PLLP: variants seen among roughly 807,000 people sequenced by gnomAD.
PLLP encodes plasma membrane proteolipid (plasmolipin).
PLLP carries 15 observed loss-of-function variants against 19.7 expected under a neutral mutation model. That is an observed-to-expected ratio of 0.76 (90% CI 0.51 to 1.17). The LOEUF (loss-of-function observed/expected upper bound fraction) is 1.17. Among genes scored for constraint, PLLP ranks in the 50% most tolerant of loss-of-function variants. PLLP has a pLI of 0.00. For synonymous variants in PLLP, 111 were observed against 116.3 expected (o/e 0.95, Z 0.29); for missense variants, 255 against 258.3 (o/e 0.99, Z 0.09).
chr16:57,278,768 G>C (rs1257830592), intron 1 of PLLP, among the ~76,000 whole-genome samples: 3 of 152,162 alleles, frequency 2.0e-5, no homozygotes, highest in Admixed American at 2.0e-4. Flanking sequence ...CTCAGACATT[G>C]CAATCCGAGT....
At chr16:57,272,160 G>T (rs2075478015) in intron 1 of PLLP, among the ~76,000 whole-genome samples, 1 of 152,194 alleles carries the variant, frequency 6.6e-6, no homozygotes, top group African/African-American at 2.4e-5. Flanking sequence ...GGAAACACTT[G>T]ACCCATTCCA....
chr16:57,284,557 TC>T lies in PLLP; in HGVS notation c.-18del. On this transcript the variant is annotated 5_prime_UTR_variant, in exon 1 of 4. Coordinates refer to ENST00000219207, the MANE Select transcript of PLLP (RefSeq NM_015993.3). ...CTCGGCCATGGCGGCTCCGCTTGCC[TC>T]CCGAGGTCGCTACGGCCGCCGTCGC... 5.2e-6 allele frequency: 7 copies of T among 1,336,368 alleles called. No individual in the cohort carries two copies. The highest frequency in any genetic ancestry group is 6.8e-6 in the Non-Finnish European group (7 of 1,036,396). The allele number at this position is 1,336,368 out of a possible 1,614,324, so 82.8% of individuals were successfully genotyped here. A position where few individuals can be genotyped will look rare whatever the true frequency, so the allele number is the denominator to read the frequency against.
At chr16:57,270,794 G>A (rs2075472403) in intron 1 of PLLP, among the ~76,000 whole-genome samples, 5 of 152,176 alleles carry the variant, frequency 3.3e-5, no homozygotes, top group African/African-American at 7.2e-5. Context: ...CCGCTCTCCA[G>A]GAAGGCGACA....
chr16:57,257,388 T>C (rs1458833766), intron 3 of PLLP, among the ~76,000 whole-genome samples: 2 of 152,232 alleles, frequency 1.3e-5, no homozygotes, highest in African/African-American at 4.8e-5. Flanking sequence ...GCCTCTATAC[T>C]AACACCTGCA....
At chr16:57,268,951 C>T (rs1313114143) in intron 1 of PLLP, among the ~76,000 whole-genome samples, 25 of 152,194 alleles carry the variant, frequency 1.6e-4, no homozygotes, top group African/African-American at 5.6e-4. Flanking sequence ...CACATTCAAG[C>T]ACCAGGCACA....
intron 2 of PLLP, among the ~76,000 whole-genome samples, chr16:57,258,846 G>T (rs768054913): frequency 3.7e-4 from 56 of 149,556 alleles, no homozygotes; most frequent in African/African-American, 1.3e-3. Flanking sequence ...ACCTGGAGCC[G>T]GGAGGTTGAG....
intron 1 of PLLP, among the ~76,000 whole-genome samples, chr16:57,270,781 T>A (rs1293816823): frequency 5.3e-5 from 8 of 151,936 alleles, no homozygotes; most frequent in African/African-American, 1.9e-4. Flanking sequence ...CCTGGAGTCA[T>A]CCCCGCTCTC....
At chr16:57,277,635 G>A (rs76714740) in intron 1 of PLLP, among the ~76,000 whole-genome samples, 1 of 152,104 alleles carries the variant, frequency 6.6e-6, no homozygotes, top group African/African-American at 2.4e-5. Context: ...AGGTAATAAA[G>A]GTATGAAAAA....
At chr16:57,277,563 C>G (rs756985847) in intron 1 of PLLP, among the ~76,000 whole-genome samples, 6 of 152,098 alleles carry the variant, frequency 3.9e-5, no homozygotes, top group Admixed American at 1.3e-4. Flanking sequence ...TGCACTCCAG[C>G]CTGGGTGACA....
chr16:57,276,966 T>C (rs1446331164), intron 1 of PLLP, among the ~76,000 whole-genome samples: 4 of 152,066 alleles, frequency 2.6e-5, no homozygotes, highest in African/African-American at 9.7e-5. Context: ...AGCTGCATGG[T>C]GGAATACTAT....
intron 1 of PLLP, among the ~76,000 whole-genome samples, chr16:57,283,635 T>A (rs1368400359): frequency 6.6e-6 from 1 of 150,892 alleles, no homozygotes; most frequent in Non-Finnish European, 1.5e-5. Context: ...GGTGTGGGAG[T>A]GGAGGATGTT....
chr16:57,256,637 C>G lies in PLLP; in HGVS notation c.*276G>C. The G allele has an allele frequency of 2.3e-6, 1 of 442,408 alleles. No homozygotes were observed. Among genetic ancestry groups the G allele is most frequent in the Non-Finnish European group, 4.1e-6 (1 of 242,792 alleles). 27.4% of individuals were successfully genotyped at this position (442,408 alleles called of 1,614,324 possible). On this transcript the variant is annotated 3_prime_UTR_variant, in exon 4 of 4. Coordinates refer to ENST00000219207, the MANE Select transcript of PLLP (RefSeq NM_015993.3). ...ACGCTGAAGTCCTCTAAAGACAAGG[C>G]AGAGACACAGCCTCAGATCCCCCGT...
intron 1 of PLLP, among the ~76,000 whole-genome samples, chr16:57,278,001 C>T (rs748295552): frequency 2.6e-5 from 4 of 152,088 alleles, no homozygotes; most frequent in Admixed American, 6.6e-5. Context: ...CGGGACACTA[C>T]GGGTTACTCC....
intron 1 of PLLP, among the ~76,000 whole-genome samples, chr16:57,279,734 G>A (rs114930268): frequency 0.03 from 4,575 of 151,426 alleles, 226 homozygotes; most frequent in African/African-American, 0.1. Flanking sequence ...GTGCAGTGAC[G>A]TGATCATGGC....
At position 57,271,029 on chromosome 16, in the gene PLLP, G is replaced by A. The variant is rs183606970; in HGVS notation, c.136-8959C>T. 3.7e-3 allele frequency among the ~76,000 whole-genome samples: 569 copies of A among 152,292 alleles called. 6 individuals carry two copies. Among genetic ancestry groups the A allele is most frequent in the African/African-American group, 0.013 (544 of 41,562 alleles). On this transcript the variant is annotated intron_variant, in intron 1 of 3. Coordinates refer to ENST00000219207, the MANE Select transcript of PLLP (RefSeq NM_015993.3). ...CAGCCACCCCACCCCCACCTCCCGC[G>A]TGGACCCTGCTTCCTGGGGCTATGG...
At chr16:57,277,114 GGA>G (rs756702835) in intron 1 of PLLP, among the ~76,000 whole-genome samples, 29 of 152,112 alleles carry the variant, frequency 1.9e-4, no homozygotes, top group Non-Finnish European at 3.2e-4. Context: ...ATATAAACTG[GGA>G]GAGAGAGGAA....
intron 2 of PLLP, among the ~76,000 whole-genome samples, chr16:57,261,690 C>T (rs2075442098): frequency 6.6e-6 from 1 of 152,132 alleles, no homozygotes. Flanking sequence ...CACTGCACTC[C>T]AGCCTGCACA....
At chr16:57,262,916 C>CA (rs2075446342) in intron 1 of PLLP, among the ~76,000 whole-genome samples, 2 of 152,094 alleles carry the variant, frequency 1.3e-5, no homozygotes, top group African/African-American at 2.4e-5. Context: ...CAGGGCCCCC[C>CA]AGGCACCCAC....
intron 1 of PLLP, among the ~76,000 whole-genome samples, chr16:57,268,219 C>A (rs1453395886): frequency 6.6e-6 from 1 of 152,194 alleles, no homozygotes; most frequent in Non-Finnish European, 1.5e-5. Flanking sequence ...TTTCTGCCAC[C>A]CAGTTTGTGG....
Sources: gnomAD v4.1 joint callset for allele counts (sites outside exome capture counted in the v4.1 genomes callset) on GRCh38, gnomAD v4.1.1 for gene constraint, MANE v1.5 for transcripts, NCBI Gene and HGNC (gene_info 2026-07-23, HGNC 2026-07-21) for gene names.